Variants in SGIP1 observed in about 807,000 individuals in gnomAD.
The protein encoded by SGIP1 is SH3GL interacting endocytic adaptor 1.
In SGIP1, 38 loss-of-function variants were observed where a neutral mutation model predicts 107.5. That is an observed-to-expected ratio of 0.35 (90% CI 0.27 to 0.46). SGIP1 has a LOEUF of 0.46. Among genes scored for constraint, SGIP1 ranks in the 20% least tolerant of loss-of-function variants. The pLI is 1.00. For missense variants in SGIP1, 929 were observed against 1,019.5 expected (o/e 0.91, Z 1.21); for synonymous variants, 365 against 366.1 (o/e 1.00, Z 0.03).
chr1:66,565,320 G>A (rs746503243), intron 1 of SGIP1, among the ~76,000 whole-genome samples: 2 of 151,710 alleles, frequency 1.3e-5, no homozygotes, highest in Admixed American at 1.3e-4. Flanking sequence ...TCTTATTTTT[G>A]ATGGCCTGAT....
intron 4 of SGIP1, among the ~76,000 whole-genome samples, chr1:66,638,967 G>T (rs1334297605): frequency 6.6e-6 from 1 of 152,130 alleles, no homozygotes; most frequent in Non-Finnish European, 1.5e-5. Context: ...TGTGTTTGTC[G>T]TTTGCTCACA....
At chr1:66,654,211 A>C (rs2079276346) in intron 7 of SGIP1, among the ~76,000 whole-genome samples, 1 of 152,194 alleles carries the variant, frequency 6.6e-6, no homozygotes, top group Non-Finnish European at 1.5e-5. Context: ...TTATGGTCTC[A>C]GTTGCTTTGA....
chr1:66,670,472 G>T (rs145805829), intron 9 of SGIP1, among the ~76,000 whole-genome samples: 1 of 152,168 alleles, frequency 6.6e-6, no homozygotes, highest in South Asian at 2.1e-4. Context: ...GAATAAAACA[G>T]TTCATTCAAT....
At chr1:66,589,569 C>A (rs1359931950) in intron 1 of SGIP1, among the ~76,000 whole-genome samples, 5 of 152,008 alleles carry the variant, frequency 3.3e-5, no homozygotes, top group African/African-American at 1.2e-4. Flanking sequence ...CCCCACCAAC[C>A]AGCTTCCAAA....
intron 1 of SGIP1, among the ~76,000 whole-genome samples, chr1:66,592,020 G>A (rs1340180273): frequency 6.6e-6 from 1 of 152,186 alleles, no homozygotes. Context: ...GCACGATGGG[G>A]TTTTACACCA....
intron 17 of SGIP1, 115 bp downstream of exon 17, chr1:66,690,431 G>A (rs1468144389): frequency 1.4e-6 from 2 of 1,438,276 alleles, no homozygotes; most frequent in Non-Finnish European, 1.9e-6. Flanking sequence ...TGTGTGTTTT[G>A]CTACTATTAC....
rs562870771 is a variant in SGIP1 at position 66,641,022 on chromosome 1, G to A, written c.228+1189G>A. On this transcript the variant is annotated intron_variant, in intron 5 of 24. Transcript: ENST00000371037. The stretch of plus-strand genomic sequence containing the variant: ...TGCACTCCAGCCTGAGCAACACAGA[G>A]ACTTTGTCTTAAAAAAGAAAAAGAA... Among the ~76,000 whole-genome samples, 4 of 152,180 alleles carry A rather than the reference G, an allele frequency of 2.6e-5. No homozygotes were observed. The East Asian group carries it at 7.7e-4, about 29-fold the overall frequency.
At chr1:66,688,362 T>C (rs1188477992) in intron 15 of SGIP1, among the ~76,000 whole-genome samples, 2 of 152,252 alleles carry the variant, frequency 1.3e-5, no homozygotes, top group Non-Finnish European at 2.9e-5. Context: ...CCCACTGGTG[T>C]GCTGACTGAT....
At chr1:66,575,344 T>C (rs2060915652) in intron 1 of SGIP1, among the ~76,000 whole-genome samples, 1 of 152,306 alleles carries the variant, frequency 6.6e-6, no homozygotes, top group South Asian at 2.1e-4. Context: ...CCCATTTCAT[T>C]TGGCCAACTT....
chr1:66,739,472 G>A lies in SGIP1; in HGVS notation c.2169G>A (p.Val723=). 4 of 1,614,152 alleles carry A rather than the reference G, an allele frequency of 2.5e-6. No homozygotes were observed. The highest frequency in any genetic ancestry group is 3.4e-6 in the Non-Finnish European group (4 of 1,180,030). The change falls in exon 22 of 25, where the codon GTG becomes GTA. Residue 723 remains valine (V), a synonymous_variant. Coordinates refer to ENST00000371037, the MANE Select transcript of SGIP1 (RefSeq NM_032291.4). The stretch of plus-strand genomic sequence containing the variant: ...CGACTGCTGTGGCCCTCAACAATGT[G>A]CAGTTCCTGGTCCCCATCGACGGAG... The part of the protein sequence containing the change: ...AMTTAVALNN[V]QFLVPIDGGV...
chr1:66,673,379 A>T lies in SGIP1; in HGVS notation c.646+13A>T. The T allele has an allele frequency of 6.3e-7, 1 of 1,584,872 alleles. No individual in the cohort carries two copies. The highest frequency in any genetic ancestry group is 1.2e-5 in the South Asian group (1 of 84,800). ...CAGAAGACAGAAGGTAGGAAAAGAA[A>T]CTCCATATATTATAGATTTGTTTTT... is the stretch of plus-strand genomic sequence containing the variant. On this transcript the variant is annotated intron_variant, in intron 12 of 24. Transcript: ENST00000371037.
chr1:66,627,954 G>A (rs952498430), intron 2 of SGIP1, among the ~76,000 whole-genome samples: 8 of 142,538 alleles, frequency 5.6e-5, no homozygotes, highest in Non-Finnish European at 1.0e-4. Context: ...GTGTTCAAGT[G>A]TTCTCATTGT....
rs779386487 is a variant in SGIP1 at position 66,690,250 on chromosome 1, C to A, written c.1504C>A (p.Arg502=). ...CCCTCCTCCAATAGCACCCTTAGCG[C>A]GGGCTGAAAGCACTTCTTCAATATC... ...SSPPPIAPLA[R]AESTSSISST... is the part of the protein sequence containing the mutation. Residue 502 remains arginine, a synonymous_variant, in exon 17 of 25, where the codon CGG becomes AGG. Coordinates refer to ENST00000371037, the MANE Select transcript of SGIP1 (RefSeq NM_032291.4). 1.2e-6 allele frequency: 2 copies of A among 1,614,062 alleles called. No homozygotes were observed. Among genetic ancestry groups the A allele is most frequent in the African/African-American group, 1.3e-5 (1 of 74,932 alleles).
At chr1:66,579,775 C>T (rs1210825584) in intron 1 of SGIP1, among the ~76,000 whole-genome samples, 8 of 152,138 alleles carry the variant, frequency 5.3e-5, no homozygotes, top group Non-Finnish European at 1.5e-5. Flanking sequence ...TTTATTGTTA[C>T]AAAACCTTTC....
chr1:66,591,368 ACAGATTC>A (rs1211700911), intron 1 of SGIP1, among the ~76,000 whole-genome samples: 1 of 152,242 alleles, frequency 6.6e-6, no homozygotes, highest in African/African-American at 2.4e-5. Flanking sequence ...GGTGATGAAC[ACAGATTC>A]TTTCTCATCC....
intron 19 of SGIP1, among the ~76,000 whole-genome samples, chr1:66,724,970 G>A (rs2093691777): frequency 6.6e-6 from 1 of 152,128 alleles, no homozygotes; most frequent in South Asian, 2.1e-4. Flanking sequence ...GTCCACATAT[G>A]GACAAATATC....
chr1:66,605,608 C>A (rs572933478), intron 1 of SGIP1, among the ~76,000 whole-genome samples: 1 of 151,654 alleles, frequency 6.6e-6, no homozygotes, highest in East Asian at 1.9e-4. Flanking sequence ...TAGTGTGTCT[C>A]AGAGCCCTTA....
intron 1 of SGIP1, among the ~76,000 whole-genome samples, chr1:66,568,668 C>T (rs2059978995): frequency 6.6e-6 from 1 of 151,880 alleles, no homozygotes; most frequent in Non-Finnish European, 1.5e-5. Context: ...AGATATCCAC[C>T]ATGATCAAGC....
rs1276369027 is a variant in SGIP1, at chr1:66,629,090, T to C, written c.74+3180T>C. Among the ~76,000 whole-genome samples, 5 of 152,320 alleles carry C rather than the reference T, an allele frequency of 3.3e-5. No homozygotes were observed. In the South Asian group the frequency reaches 1.0e-3, roughly 32 times the overall value. On this transcript the variant is annotated intron_variant, in intron 2 of 24. Transcript: ENST00000371037. ...CTAGCAATTTGCTGTCCCTTCAGCT[T>C]TAGTAAATGCTTGTGTTTGTCTGTG...
Sources: allele counts gnomAD v4.1 joint callset (sites outside exome capture counted in the v4.1 genomes callset), GRCh38; gene constraint gnomAD v4.1.1; transcripts MANE v1.5; gene names NCBI Gene and HGNC (gene_info 2026-07-23, HGNC 2026-07-21).